PDZD9: variants seen among roughly 807,000 people sequenced by gnomAD.
PDZD9 encodes PDZ domain containing 9, also known as PDZ domain-containing protein 9.
Under a neutral mutation model 16.3 loss-of-function variants are expected in PDZD9, and 13 were observed. The observed-to-expected ratio is 0.80, with a 90% CI of 0.52 to 1.27. The LOEUF is 1.27. PDZD9 is among the 50% of genes most tolerant of loss of function. The pLI, the probability that PDZD9 is intolerant of heterozygous loss-of-function variation, is 0.00. For missense variants in PDZD9, 288 were observed against 310.9 expected (o/e 0.93, Z 0.55); for synonymous variants, 120 against 111.0 (o/e 1.08, Z -0.51).
chr16:21,961,466 G>T, the PDZD9 span: 2 of 235,762 alleles, frequency 8.5e-6, no homozygotes, highest in East Asian at 2.4e-4. Flanking sequence ...TTTCTTTAAG[G>T]TATTTTAATT....
chr16:21,981,904 G>A (rs891109631), downstream of PDZD9, among the ~76,000 whole-genome samples: 5 of 149,772 alleles, frequency 3.3e-5, no homozygotes, highest in African/African-American at 9.8e-5. Context: ...GCAGTGGCGC[G>A]ATCTCGGCTC....
At chr16:21,966,628 A>T in the PDZD9 span, among the ~76,000 whole-genome samples, 1 of 152,232 alleles carries the variant, frequency 6.6e-6, no homozygotes, top group Non-Finnish European at 1.5e-5. Flanking sequence ...CTTATCAATT[A>T]ACAGTTTGAT....
the PDZD9 span, among the ~76,000 whole-genome samples, chr16:21,961,670 T>TATATATATATATATA: frequency 2.1e-4 from 10 of 48,762 alleles, no homozygotes; most frequent in South Asian, 6.2e-4. Context: ...ATATATATAT[T>TATATATATATATATA]TTAGACAGTC....
At chr16:21,980,163 G>C, downstream of PDZD9, 1 of 201,140 alleles carries the variant, frequency 5.0e-6, no homozygotes, top group South Asian at 1.1e-4. Context: ...GTGGGCAGGA[G>C]AAAGAGCATG....
chr16:21,958,190 T>C, the PDZD9 span, among the ~76,000 whole-genome samples: 1 of 152,078 alleles, frequency 6.6e-6, no homozygotes, highest in African/African-American at 2.4e-5. Context: ...CATATGAATG[T>C]TGATGTTAGA....
the PDZD9 span, chr16:21,962,199 ATCCTTAGCATAATG>A: frequency 4.4e-6 from 2 of 450,798 alleles, no homozygotes; most frequent in East Asian, 3.7e-5. Flanking sequence ...CTGGCTTATT[ATCCTTAGCATAATG>A]TCCTCAGGGT....
At chr16:21,988,875 C>T in intron 2 of PDZD9, 84 bp from the exon 3 acceptor site, 1 of 958,290 alleles carries the variant, frequency 1.0e-6, no homozygotes. Context: ...TGAGGTATTT[C>T]ATTTTATGGG....
At chr16:21,979,135 G>A (rs1177973404), downstream of PDZD9, among the ~76,000 whole-genome samples, 1 of 152,164 alleles carries the variant, frequency 6.6e-6, no homozygotes, top group African/African-American at 2.4e-5. Context: ...ATAACACTGT[G>A]ACCCCAGCTG....
chr16:21,958,670 G>A, the PDZD9 span: 1 of 1,349,882 alleles, frequency 7.4e-7, no homozygotes, highest in East Asian at 2.4e-5. Context: ...ACTTTTCTCT[G>A]TTATCAAGGA....
chr16:21,974,144 A>T, the PDZD9 span, among the ~76,000 whole-genome samples: 1 of 152,224 alleles, frequency 6.6e-6, no homozygotes, highest in African/African-American at 2.4e-5. Flanking sequence ...GGAAATTTAC[A>T]CATGTATACT....
At chr16:21,970,032 A>G in the PDZD9 span, among the ~76,000 whole-genome samples, 2 of 152,028 alleles carry the variant, frequency 1.3e-5, no homozygotes, top group African/African-American at 4.8e-5. Context: ...AGATTTGACT[A>G]TTCTGGACAT....
In PDZD9 at chr16:21,996,253, T is replaced by C; in HGVS notation, c.211+69A>G. 2.1e-6 allele frequency: 3 copies of C among 1,433,828 alleles called. No homozygotes were observed. In the East Asian group the frequency reaches 7.4e-5, roughly 36 times the overall value. 88.8% of individuals were successfully genotyped at this position (1,433,828 alleles called of 1,614,324 possible). A position where few individuals can be genotyped will look rare whatever the true frequency, so the allele number is the denominator to read the frequency against. ...TCCTTATAGTTACACTGAAACCCGG[T>C]GACCCGAGTCACCCTGCAGGCAGAT... On this transcript the variant is annotated intron_variant, in intron 2 of 3. Transcript: ENST00000424898.
At chr16:21,974,365 C>T in the PDZD9 span, among the ~76,000 whole-genome samples, 1 of 152,122 alleles carries the variant, frequency 6.6e-6, no homozygotes, top group Admixed American at 6.5e-5. Context: ...AGCTCAATTT[C>T]TGGGAAACAA....
At chr16:21,965,571 G>T in the PDZD9 span, 1 of 1,305,238 alleles carries the variant, frequency 7.7e-7, no homozygotes, top group Non-Finnish European at 1.0e-6. Flanking sequence ...TCCCATTTCA[G>T]GTTTGTTTGT....
intron 2 of PDZD9, among the ~76,000 whole-genome samples, chr16:21,990,278 A>T (rs920022417): frequency 2.6e-5 from 4 of 152,134 alleles, no homozygotes; most frequent in Admixed American, 2.6e-4. Flanking sequence ...CCTTCTGGAG[A>T]CCCTCAATCA....
At chr16:21,958,461 A>G in the PDZD9 span, 2 of 1,311,414 alleles carry the variant, frequency 1.5e-6, no homozygotes, top group Non-Finnish European at 2.2e-6. Context: ...CTCACAACAG[A>G]TTTTGATATA....
chr16:21,980,586 T>G (rs1225077348), downstream of PDZD9: 1 of 1,614,196 alleles, frequency 6.2e-7, no homozygotes, highest in South Asian at 1.1e-5. Context: ...CAGTGGAGTC[T>G]TCTGAGTGTT....
chr16:21,983,725 T>C (rs1898793870), downstream of PDZD9: 1 of 154,050 alleles, frequency 6.5e-6, no homozygotes, highest in African/African-American at 2.4e-5. Flanking sequence ...GTTTTGTTTT[T>C]CTCTCATCTC....
chr16:21,993,241 T>C (rs1461980708), intron 2 of PDZD9, among the ~76,000 whole-genome samples: 3 of 152,166 alleles, frequency 2.0e-5, no homozygotes, highest in African/African-American at 7.2e-5. Flanking sequence ...CCACTAACTA[T>C]AGCCGTGCCA....
Sources: allele counts gnomAD v4.1 joint callset (sites outside exome capture counted in the v4.1 genomes callset), GRCh38; gene constraint gnomAD v4.1.1; transcripts MANE v1.5; gene names NCBI Gene and HGNC (gene_info 2026-07-23, HGNC 2026-07-21).